MTUS1: variants seen among roughly 807,000 people sequenced by gnomAD.
The protein encoded by MTUS1 is microtubule associated scaffold protein 1.
A neutral mutation model predicts 120.8 loss-of-function variants in MTUS1; 109 were observed. The ratio of observed to expected loss-of-function variants is 0.90; its 90% CI spans 0.77 to 1.06. The LOEUF (loss-of-function observed/expected upper bound fraction) is 1.06. MTUS1 is among the 50% of genes least tolerant of loss of function. The probability of loss-of-function intolerance (pLI) is 0.00; values close to 1 mark genes in which losing one functional copy is unlikely to be tolerated. For synonymous variants in MTUS1, 737 were observed against 550.5 expected (o/e 1.34, Z -4.74); for missense variants, 2,210 against 1,486.3 (o/e 1.49, Z -8.01).
At chr8:17,657,806 A>AG (rs1432886336) in intron 8 of MTUS1, among the ~76,000 whole-genome samples, 1 of 149,870 alleles carries the variant, frequency 6.7e-6, no homozygotes, top group Non-Finnish European at 1.5e-5. Context: ...TCTCAAAAAA[A>AG]AAAAAAAAAA....
intron 3 of MTUS1, among the ~76,000 whole-genome samples, chr8:17,729,702 C>T (rs373544583): frequency 1.1e-3 from 168 of 151,940 alleles, no homozygotes; most frequent in African/African-American, 3.5e-3. Flanking sequence ...TGCTTTTAAA[C>T]GCAGGAATTG....
chr8:17,652,504 G>A (rs76626025), intron 12 of MTUS1, among the ~76,000 whole-genome samples: 8,102 of 152,112 alleles, frequency 0.053, 422 homozygotes, highest in East Asian at 0.24. Flanking sequence ...TGGGGGAATG[G>A]GGAGTGACTG....
rs560516316 is a variant in MTUS1, at chr8:17,772,740, C to T, written c.-154-16779G>A. On this transcript the variant is annotated intron_variant, in intron 1 of 14. Coordinates refer to ENST00000693296, the MANE Select transcript of MTUS1 (RefSeq NM_001363059.2). Reference sequence around the variant, plus strand: ...AGAAAATCTAGGCACTAAGTAAAAGCATTTCAGATCATCACTTTGTAAACA... The same window carrying T: ...AGAAAATCTAGGCACTAAGTAAAAGTATTTCAGATCATCACTTTGTAAACA... 3.9e-5 allele frequency among the ~76,000 whole-genome samples: 6 copies of T among 152,306 alleles called. No individual in the cohort carries two copies. In the South Asian group the frequency reaches 1.2e-3, roughly 32 times the overall value.
intron 1 of MTUS1, among the ~76,000 whole-genome samples, chr8:17,800,086 T>C (rs990054135): frequency 6.6e-6 from 1 of 152,188 alleles, no homozygotes; most frequent in African/African-American, 2.4e-5. Context: ...GTTTATGCAA[T>C]TCCTTTTAAA....
At chr8:17,780,646 A>G (rs766507058) in intron 1 of MTUS1, among the ~76,000 whole-genome samples, 6 of 152,152 alleles carry the variant, frequency 3.9e-5, no homozygotes, top group Non-Finnish European at 7.3e-5. Context: ...CCTCACCTTC[A>G]CTATTATCCC....
At position 17,747,706 on chromosome 8, in the gene MTUS1, C is replaced by G. The variant is rs189637696; in HGVS notation, c.2092-3907G>C. Among the ~76,000 whole-genome samples, 998 of 152,300 alleles carry G rather than the reference C, an allele frequency of 6.6e-3. 9 individuals are homozygous for G. Among genetic ancestry groups the G allele is most frequent in the South Asian group, 0.052 (253 of 4,826 alleles). ...CATTCATGTAAAGACCCCAGACTCA[C>G]TTGGTAGGGGAGACAAGCGGCTTGA... On this transcript the variant is annotated intron_variant, in intron 2 of 14. Transcript: ENST00000693296.
chr8:17,797,555 A>G (rs78589713), intron 1 of MTUS1, among the ~76,000 whole-genome samples: 6,064 of 152,288 alleles, frequency 0.04, 406 homozygotes, highest in African/African-American at 0.14. Context: ...ATTTCAAGCT[A>G]GCTGAGTTCA....
chr8:17,744,496 G>A (rs118155059), intron 2 of MTUS1, among the ~76,000 whole-genome samples: 3,040 of 151,998 alleles, frequency 0.02, 35 homozygotes, highest in African/African-American at 0.033. Context: ...TCCCAGCTCA[G>A]TGCAACCTCT....
rs761997871 is a variant in MTUS1, at chr8:17,755,794, T to G, written c.14A>C (p.Asn5Thr). Residue 5 changes from asparagine (N) to threonine (T), a missense_variant, in exon 2 of 15, where the codon AAT (asparagine) becomes ACT (threonine). Asn to Thr is a moderately conservative substitution (Grantham distance 65, BLOSUM62 0). Transcript: ENST00000693296. ...TTCATCTTCTATTTTATCATCTGAA[T>G]TATCATCAGTCATCCTGAATAGTAA... MTDDNSDDKIEDELQ... is the reference protein window; with the variant it reads MTDDTSDDKIEDELQ... 21 of 1,612,912 alleles carry G rather than the reference T, an allele frequency of 1.3e-5. No homozygotes were observed. The South Asian group carries it at 2.3e-4, about 18-fold the overall frequency.
intron 7 of MTUS1, among the ~76,000 whole-genome samples, chr8:17,679,221 T>C (rs1206913694): frequency 6.6e-6 from 1 of 151,730 alleles, no homozygotes; most frequent in Non-Finnish European, 1.5e-5. Context: ...CACAAATACC[T>C]ATATATTATA....
At chr8:17,667,310 T>G (rs1373234127) in intron 8 of MTUS1, among the ~76,000 whole-genome samples, 2 of 152,208 alleles carry the variant, frequency 1.3e-5, no homozygotes, top group Non-Finnish European at 2.9e-5. Flanking sequence ...AGTATATTAA[T>G]AGATTTTTCA....
At chr8:17,773,100 T>C (rs1211111004) in intron 1 of MTUS1, among the ~76,000 whole-genome samples, 1 of 152,214 alleles carries the variant, frequency 6.6e-6, no homozygotes, top group African/African-American at 2.4e-5. Flanking sequence ...AGGACTATTA[T>C]TTCTCTTTAC....
chr8:17,682,811 G>A (rs1477705768), intron 7 of MTUS1, among the ~76,000 whole-genome samples: 1 of 152,042 alleles, frequency 6.6e-6, no homozygotes, highest in Non-Finnish European at 1.5e-5. Flanking sequence ...AGCTTACTTG[G>A]TTATATAAAC....
At chr8:17,701,190 C>T (rs1305845674) in intron 6 of MTUS1, among the ~76,000 whole-genome samples, 3 of 152,134 alleles carry the variant, frequency 2.0e-5, no homozygotes, top group Non-Finnish European at 4.4e-5. Context: ...TTATATTTAT[C>T]TCCTTACTTT....
intron 1 of MTUS1, among the ~76,000 whole-genome samples, chr8:17,759,666 A>G (rs1354530366): frequency 6.7e-6 from 1 of 148,490 alleles, no homozygotes; most frequent in Non-Finnish European, 1.5e-5. Context: ...TATAAAATAT[A>G]TATATTATAT....
Position 17,649,929 on chromosome 8 carries a change from A to T in MTUS1, c.3418T>A (p.Leu1140Ile), listed in dbSNP as rs752448934. 6.2e-7 allele frequency: 1 copy of T among 1,609,938 alleles called. No individual in the cohort carries two copies. The highest frequency in any genetic ancestry group is 1.1e-5 in the South Asian group (1 of 90,988). Residue 1140 changes from leucine (L) to isoleucine (I), a missense_variant, in exon 13 of 15, where the codon TTA (leucine) becomes ATA (isoleucine). Coordinates refer to ENST00000693296, the MANE Select transcript of MTUS1 (RefSeq NM_001363059.2). ...TCTAACACAGCTTTCAGGCTTTCTA[A>T]CTCCTGTTCTAGATACATGATCTGA... is the stretch of plus-strand genomic sequence containing the variant. ...NPQIMYLEQE[L>I]ESLKAVLEIK...
intron 3 of MTUS1, among the ~76,000 whole-genome samples, chr8:17,727,790 G>T (rs1585995331): frequency 6.6e-6 from 1 of 152,158 alleles, no homozygotes. Flanking sequence ...TTTTAAGCTC[G>T]TGCACTTAGC....
chr8:17,664,677 G>T (rs12546172), intron 8 of MTUS1, among the ~76,000 whole-genome samples: 7 of 151,970 alleles, frequency 4.6e-5, no homozygotes, highest in Admixed American at 4.6e-4. Flanking sequence ...ACCCCCAGAA[G>T]CAGGAGGGGA....
chr8:17,732,971 C>T (rs902657883), intron 3 of MTUS1, among the ~76,000 whole-genome samples: 15 of 152,192 alleles, frequency 9.9e-5, no homozygotes, highest in African/African-American at 2.9e-4. Context: ...ATCCAATCTA[C>T]TCCCAACACA....
Sources: allele counts gnomAD v4.1 joint callset (sites outside exome capture counted in the v4.1 genomes callset), GRCh38; gene constraint gnomAD v4.1.1; transcripts MANE v1.5; gene names NCBI Gene and HGNC (gene_info 2026-07-23, HGNC 2026-07-21).